The following OSMR variants were observed in gnomAD, a reference collection of about 807,000 sequenced individuals.
OSMR encodes the protein oncostatin-M-specific receptor subunit beta.
Under a neutral mutation model 99.9 loss-of-function variants are expected in OSMR, and 81 were observed. The ratio of observed to expected loss-of-function variants is 0.81; its 90% CI spans 0.68 to 0.97. The LOEUF is 0.97. Ranked by LOEUF, OSMR falls within the 50% of genes least tolerant of loss-of-function variation. The probability of loss-of-function intolerance (pLI) is 0.00; values close to 1 mark genes in which losing one functional copy is unlikely to be tolerated. For missense variants in OSMR, 1,099 were observed against 1,153.4 expected (o/e 0.95, Z 0.68); for synonymous variants, 406 against 410.4 (o/e 0.99, Z 0.13).
intron 7 of OSMR, among the ~76,000 whole-genome samples, chr5:38,900,088 C>A (rs372421592): frequency 6.6e-6 from 1 of 152,176 alleles, no homozygotes; most frequent in South Asian, 2.1e-4. Flanking sequence ...CACTGGGTTC[C>A]GACTGCTGGG....
At chr5:38,869,147 A>C in intron 2 of OSMR, 30 bp downstream of exon 2, 1 of 1,488,056 alleles carries the variant, frequency 6.7e-7, no homozygotes, top group Non-Finnish European at 9.4e-7. Context: ...GTAAAGACAA[A>C]AATCACGTCG....
chr5:38,870,002 T>A (rs1204216421), intron 2 of OSMR, among the ~76,000 whole-genome samples: 2 of 152,150 alleles, frequency 1.3e-5, no homozygotes, highest in African/African-American at 4.8e-5. Flanking sequence ...GAATTTCTCA[T>A]CTTTCTTGAA....
At chr5:38,911,896 G>T (rs1745611894) in intron 9 of OSMR, among the ~76,000 whole-genome samples, 1 of 152,064 alleles carries the variant, frequency 6.6e-6, no homozygotes. Flanking sequence ...CAAACTACAT[G>T]TTGAAGGAGC....
chr5:38,849,540 G>A (rs1332913061), intron 1 of OSMR, among the ~76,000 whole-genome samples: 1 of 150,788 alleles, frequency 6.6e-6, no homozygotes. Context: ...AAAATCTTGT[G>A]GTATATATTT....
Position 38,885,631 on chromosome 5 carries a change from G to A in OSMR, c.839+147G>A, listed in dbSNP as rs556254409. The A allele has an allele frequency of 6.0e-5, 65 of 1,086,238 alleles. No homozygotes were observed. The African/African-American group carries it at 6.5e-4, about 11-fold the overall frequency. The allele number at this position is 1,086,238 out of a possible 1,614,324, so 67.3% of individuals were successfully genotyped here. A position where few individuals can be genotyped will look rare whatever the true frequency, so the allele number is the denominator to read the frequency against. ...GCCAAGGTCAAGAGGAAACCTTTAAGTGGTGACAAGTGTCTAATACTTTCT... is the reference window on the plus strand; with the variant it reads ...GCCAAGGTCAAGAGGAAACCTTTAAATGGTGACAAGTGTCTAATACTTTCT... On this transcript the variant is annotated intron_variant, in intron 6 of 17. Transcript: ENST00000274276.
At position 38,932,925 on chromosome 5, in the gene OSMR, T is replaced by C; in HGVS notation, c.2421T>C (p.Ile807=). 6.2e-7 allele frequency: 1 copy of C among 1,614,166 alleles called. No individual in the cohort carries two copies. Among genetic ancestry groups the C allele is most frequent in the Non-Finnish European group, 8.5e-7 (1 of 1,180,014 alleles). Residue 807 remains isoleucine, a synonymous_variant, in exon 18 of 18, where the codon ATT becomes ATC. Coordinates refer to ENST00000274276, the MANE Select transcript of OSMR (RefSeq NM_003999.3). ...TCAGTGACTGTATCCCAGATGCTAT[T>C]GAAGTTGTAAGCAAGCCAGAAGGGA... is the stretch of plus-strand genomic sequence containing the variant. The part of the protein sequence containing the change: ...MNVSDCIPDA[I]EVVSKPEGTK...
chr5:38,852,718 A>ATTTTTTCT (rs1740493967), intron 1 of OSMR, among the ~76,000 whole-genome samples: 1 of 70,660 alleles, frequency 1.4e-5, no homozygotes, highest in African/African-American at 5.4e-5. Flanking sequence ...TATTGTTTTC[A>ATTTTTTCT]TTTTTTTTTT....
chr5:38,871,473 C>T (rs1048291106), intron 2 of OSMR, among the ~76,000 whole-genome samples: 5 of 152,198 alleles, frequency 3.3e-5, no homozygotes, highest in African/African-American at 1.2e-4. Context: ...TAACCAAGTA[C>T]TTACTAAACT....
At chr5:38,855,720 C>T (rs1461417220) in intron 1 of OSMR, among the ~76,000 whole-genome samples, 1 of 151,444 alleles carries the variant, frequency 6.6e-6, no homozygotes, top group Non-Finnish European at 1.5e-5. Context: ...CCGCCACACC[C>T]CCCCACCTGT....
At chr5:38,916,656 T>G (rs1370395132) in intron 9 of OSMR, among the ~76,000 whole-genome samples, 3 of 152,202 alleles carry the variant, frequency 2.0e-5, no homozygotes, top group African/African-American at 7.2e-5. Flanking sequence ...AGACCTTTCC[T>G]TATGATAAGT....
intron 1 of OSMR, among the ~76,000 whole-genome samples, chr5:38,866,621 G>T (rs949942699): frequency 2.0e-5 from 3 of 152,026 alleles, no homozygotes; most frequent in Non-Finnish European, 4.4e-5. Context: ...GGTGATGTCC[G>T]CAGGGCTGCA....
chr5:38,916,977 T>A (rs1273046403), intron 9 of OSMR, among the ~76,000 whole-genome samples: 1 of 152,030 alleles, frequency 6.6e-6, no homozygotes, highest in East Asian at 1.9e-4. Context: ...TGCTGGGTGC[T>A]GCAGGTGCCT....
intron 1 of OSMR, among the ~76,000 whole-genome samples, chr5:38,851,331 G>T (rs186796793): frequency 6.6e-6 from 1 of 152,178 alleles, no homozygotes; most frequent in African/African-American, 2.4e-5. Flanking sequence ...TTAGTAAGTG[G>T]GTGTGTCTTT....
chr5:38,871,497 T>G (rs1454873928), intron 2 of OSMR, among the ~76,000 whole-genome samples: 1 of 152,210 alleles, frequency 6.6e-6, no homozygotes, highest in African/African-American at 2.4e-5. Context: ...ACTCAAACTA[T>G]TTGGCTTACC....
At position 38,870,967 on chromosome 5, in the gene OSMR, T is replaced by G. The variant is rs528283323; in HGVS notation, c.73+1850T>G. ...CTGGAGCTTCTAAGCATATCATTAT[T>G]AACAGATGAACTTGCCTTGTAGGGA... On this transcript the variant is annotated intron_variant, in intron 2 of 17. Coordinates refer to ENST00000274276, the MANE Select transcript of OSMR (RefSeq NM_003999.3). Among the ~76,000 whole-genome samples, 4 of 152,314 alleles carry G rather than the reference T, an allele frequency of 2.6e-5. No homozygotes were observed. In the East Asian group the frequency reaches 7.7e-4, roughly 29 times the overall value.
rs58159819 is a variant in OSMR at position 38,898,950 on chromosome 5, C to CTTTTTTTTTT, written c.992-4917_992-4908dup. On this transcript the variant is annotated intron_variant, in intron 7 of 17. Coordinates refer to ENST00000274276, the MANE Select transcript of OSMR (RefSeq NM_003999.3). ...TTTGTTGTTTCTATTTACATAATAT[C>CTTTTTTTTTT]TTTTTTTTTTTTTTTTTTTTTTTTG... 2.3e-4 allele frequency among the ~76,000 whole-genome samples: 18 copies of CTTTTTTTTTT among 78,288 alleles called. 2 individuals are homozygous for CTTTTTTTTTT. The highest frequency in any genetic ancestry group is 3.4e-4 in the East Asian group (1 of 2,972). 51.4% of individuals were successfully genotyped at this position (78,288 alleles called of 152,430 possible).
chr5:38,895,452 T>C (rs1226421680), intron 7 of OSMR, among the ~76,000 whole-genome samples: 3 of 152,174 alleles, frequency 2.0e-5, no homozygotes, highest in Admixed American at 6.5e-5. Flanking sequence ...GAGAAATGTC[T>C]ATTCAGGTCT....
At chr5:38,881,509 T>A (rs763076519) in intron 3 of OSMR, 84 bp from the exon 4 acceptor site, 1 of 1,612,300 alleles carries the variant, frequency 6.2e-7, no homozygotes, top group Non-Finnish European at 8.5e-7. Flanking sequence ...GGGTCTTAGG[T>A]TTGTGCTTTG....
At chr5:38,919,165 CAAA>C (rs137968159) in intron 11 of OSMR, 103 bp downstream of exon 11, 23,945 of 1,550,360 alleles carry the variant, frequency 0.015, 489 homozygotes, top group South Asian at 0.083. Context: ...CTTAGGAAGA[CAAA>C]ATGTCTAGTC....
Sources: gnomAD v4.1 joint callset for allele counts (sites outside exome capture counted in the v4.1 genomes callset) on GRCh38, gnomAD v4.1.1 for gene constraint, MANE v1.5 for transcripts, NCBI Gene and HGNC (gene_info 2026-07-23, HGNC 2026-07-21) for gene names.